The following NRG3 variants were observed in gnomAD, a reference collection of about 807,000 sequenced individuals.
NRG3 encodes the protein pro-neuregulin-3, membrane-bound isoform.
Under a neutral mutation model 66.9 loss-of-function variants are expected in NRG3, and 31 were observed. That is an observed-to-expected ratio of 0.46 (90% CI 0.35 to 0.63). The LOEUF (loss-of-function observed/expected upper bound fraction) is 0.63, where lower values mean the gene tolerates loss of function less well. NRG3 is among the 20% of genes least tolerant of loss of function. The probability of loss-of-function intolerance (pLI) is 0.00; values close to 1 mark genes in which losing one functional copy is unlikely to be tolerated. For missense variants in NRG3, 910 were observed against 878.9 expected (o/e 1.04, Z -0.45); for synonymous variants, 393 against 359.4 (o/e 1.09, Z -1.06).
intron 2 of NRG3, among the ~76,000 whole-genome samples, chr10:82,574,822 C>T (rs1385123899): frequency 6.6e-6 from 1 of 151,704 alleles, no homozygotes; most frequent in South Asian, 2.1e-4. Context: ...TGAAATAAGC[C>T]AGGCACAGAA....
At chr10:82,467,732 C>G (rs889626975) in intron 2 of NRG3, among the ~76,000 whole-genome samples, 1 of 152,170 alleles carries the variant, frequency 6.6e-6, no homozygotes, top group Non-Finnish European at 1.5e-5. Flanking sequence ...CCAAACAGCT[C>G]TGGGCCTTCT....
At chr10:82,055,614 G>A (rs1236788172) in intron 1 of NRG3, among the ~76,000 whole-genome samples, 1 of 152,054 alleles carries the variant, frequency 6.6e-6, no homozygotes, top group Admixed American at 6.6e-5. Context: ...TAATTGTTTT[G>A]AGGATTTTTT....
intron 2 of NRG3, among the ~76,000 whole-genome samples, chr10:82,601,862 A>G (rs989337802): frequency 6.8e-6 from 1 of 147,090 alleles, no homozygotes; most frequent in East Asian, 2.0e-4. Flanking sequence ...AAAAAAAATT[A>G]TTTATATATA....
chr10:82,021,166 A>G (rs1259405145), intron 1 of NRG3, among the ~76,000 whole-genome samples: 1 of 152,046 alleles, frequency 6.6e-6, no homozygotes, highest in Non-Finnish European at 1.5e-5. Flanking sequence ...ACACACTGCC[A>G]CCTGACCTTT....
chr10:82,737,075 T>G (rs1433470915), intron 2 of NRG3, among the ~76,000 whole-genome samples: 1 of 152,236 alleles, frequency 6.6e-6, no homozygotes, highest in East Asian at 1.9e-4. Flanking sequence ...CAAAGTATTT[T>G]CTGACTCTTA....
intron 1 of NRG3, among the ~76,000 whole-genome samples, chr10:82,351,755 A>G (rs890328839): frequency 3.3e-5 from 5 of 152,214 alleles, no homozygotes; most frequent in African/African-American, 1.2e-4. Context: ...ACAATAGTCA[A>G]CCAACCTACT....
chr10:82,685,098 T>C (rs1164073566), intron 2 of NRG3, among the ~76,000 whole-genome samples: 1 of 151,722 alleles, frequency 6.6e-6, no homozygotes, highest in African/African-American at 2.4e-5. Flanking sequence ...ATATGAAAAA[T>C]GAACAAGCAA....
rs1452912958 is a variant in NRG3 at position 82,986,375 on chromosome 10, CAT to C, written c.*771_*772del. On this transcript the variant is annotated 3_prime_UTR_variant, in exon 9 of 9. Coordinates refer to ENST00000372141, the MANE Select transcript of NRG3 (RefSeq NM_001010848.4). ...CTCAGTTTTTGTGTGCCTGTGTGCACATGTGTGTGCGAGCGTGTGTGTGTGTG... is the reference window on the plus strand; with the variant it reads ...CTCAGTTTTTGTGTGCCTGTGTGCACGTGTGTGCGAGCGTGTGTGTGTGTG... 1.3e-5 allele frequency: 2 copies of C among 152,298 alleles called. No homozygotes were observed. Among genetic ancestry groups the C allele is most frequent in the African/African-American group, 2.4e-5 (1 of 41,542 alleles). The allele number at this position is 152,298 out of a possible 1,614,324, so 9.4% of individuals were successfully genotyped here.
intron 2 of NRG3, among the ~76,000 whole-genome samples, chr10:82,674,937 ATATTTATTTATT>A (rs57484788): frequency 1.5e-4 from 22 of 143,708 alleles, no homozygotes; most frequent in East Asian, 1.4e-3. Context: ...GGTTTTATTT[ATATTTATTTATT>A]TATTTATTTA....
chr10:82,300,563 A>G (rs539866855), intron 1 of NRG3, among the ~76,000 whole-genome samples: 105 of 152,310 alleles, frequency 6.9e-4, no homozygotes, highest in Non-Finnish European at 1.3e-3. Context: ...AGCTAAGAAA[A>G]GAAGATGAGA....
intron 1 of NRG3, among the ~76,000 whole-genome samples, chr10:81,885,872 G>C (rs1449811140): frequency 6.6e-6 from 1 of 152,064 alleles, no homozygotes; most frequent in Non-Finnish European, 1.5e-5. Context: ...TTTCAGCATG[G>C]TGGAAAAATC....
chr10:82,134,287 T>A (rs189736808), intron 1 of NRG3, among the ~76,000 whole-genome samples: 1 of 152,336 alleles, frequency 6.6e-6, no homozygotes, highest in Admixed American at 6.5e-5. Context: ...TGTCAATTTT[T>A]GCTTTCGTAG....
intron 1 of NRG3, among the ~76,000 whole-genome samples, chr10:81,944,691 GA>G (rs1212108117): frequency 6.6e-6 from 1 of 152,108 alleles, no homozygotes; most frequent in East Asian, 1.9e-4. Context: ...TACATAGGCT[GA>G]AAAACAAGGC....
chr10:82,946,276 C>T (rs368493733), intron 4 of NRG3, among the ~76,000 whole-genome samples: 4 of 150,758 alleles, frequency 2.7e-5, no homozygotes, highest in Non-Finnish European at 4.4e-5. Context: ...AGCATTGGCT[C>T]GCGCCTGTAA....
chr10:82,784,386 C>A (rs1394903875), intron 3 of NRG3, among the ~76,000 whole-genome samples: 1 of 150,960 alleles, frequency 6.6e-6, no homozygotes, highest in Non-Finnish European at 1.5e-5. Context: ...AGAGCTTCTG[C>A]ACAGCAAAAG....
At chr10:82,054,479 T>G (rs2063742354) in intron 1 of NRG3, among the ~76,000 whole-genome samples, 1 of 152,112 alleles carries the variant, frequency 6.6e-6, no homozygotes. Context: ...TGTACAGGAT[T>G]CTCATTTAGA....
At chr10:82,328,471 A>T (rs1272502846) in intron 1 of NRG3, among the ~76,000 whole-genome samples, 1 of 152,224 alleles carries the variant, frequency 6.6e-6, no homozygotes, top group African/African-American at 2.4e-5. Context: ...GATAATTAGC[A>T]TAGCCATCAT....
intron 3 of NRG3, among the ~76,000 whole-genome samples, chr10:82,849,175 G>A (rs1201207968): frequency 6.6e-6 from 1 of 152,142 alleles, no homozygotes; most frequent in African/African-American, 2.4e-5. Context: ...ATGCACATAG[G>A]GAGAACACCA....
At chr10:81,911,550 C>T (rs1030820635) in intron 1 of NRG3, among the ~76,000 whole-genome samples, 1 of 146,608 alleles carries the variant, frequency 6.8e-6, no homozygotes, top group African/African-American at 2.5e-5. Flanking sequence ...CCATTTGCTG[C>T]TGTTTGACTG....
Sources: allele counts gnomAD v4.1 joint callset (sites outside exome capture counted in the v4.1 genomes callset), GRCh38; gene constraint gnomAD v4.1.1; transcripts MANE v1.5; gene names NCBI Gene and HGNC (gene_info 2026-07-23, HGNC 2026-07-21).